The following CCDC50 variants were observed in gnomAD, a reference collection of about 807,000 sequenced individuals.
The protein encoded by CCDC50 is coiled-coil domain-containing protein 50.
Under a neutral mutation model 70.2 loss-of-function variants are expected in CCDC50, and 54 were observed. That is an observed-to-expected ratio of 0.77 (90% CI 0.62 to 0.96). The LOEUF is 0.96. Ranked by LOEUF, CCDC50 falls within the 50% of genes least tolerant of loss-of-function variation. The pLI, the probability that CCDC50 is intolerant of heterozygous loss-of-function variation, is 0.00. For synonymous variants in CCDC50, 216 were observed against 198.8 expected (o/e 1.09, Z -0.73); for missense variants, 558 against 578.7 (o/e 0.96, Z 0.37).
At position 191,397,911 on chromosome 3, in the gene CCDC50, T is replaced by G. The variant is rs1032125203; in HGVS notation, c.*6151T>G. ...GAGGACAGAAAACAAAGAGGCTGCC[T>G]CAGACCACATGCCTATCTAGAGATT... On this transcript the variant is annotated 3_prime_UTR_variant, in exon 12 of 12. Coordinates refer to ENST00000392455, the MANE Select transcript of CCDC50 (RefSeq NM_178335.3). 1 of 152,256 alleles carries G rather than the reference T, an allele frequency of 6.6e-6. No homozygotes were observed. The highest frequency in any genetic ancestry group is 2.4e-5 in the African/African-American group (1 of 41,456). 9.4% of individuals were successfully genotyped at this position (152,256 alleles called of 1,614,324 possible).
intron 6 of CCDC50, among the ~76,000 whole-genome samples, chr3:191,376,909 T>C (rs987100079): frequency 1.3e-5 from 2 of 152,184 alleles, no homozygotes; most frequent in African/African-American, 4.8e-5. Context: ...CCTCTACGTT[T>C]CTGCTTCTGT....
At chr3:191,376,429 C>T (rs1163184724) in intron 6 of CCDC50, among the ~76,000 whole-genome samples, 8 of 152,042 alleles carry the variant, frequency 5.3e-5, no homozygotes, top group Non-Finnish European at 7.4e-5. Flanking sequence ...CCATCATTGA[C>T]GCAGTAATGG....
chr3:191,345,699 G>A (rs944511117), intron 1 of CCDC50, among the ~76,000 whole-genome samples: 26 of 152,002 alleles, frequency 1.7e-4, no homozygotes, highest in African/African-American at 5.3e-4. Flanking sequence ...AGTGGTTTAG[G>A]TTACCGGGGT....
At chr3:191,388,347 G>A (rs890422758) in intron 10 of CCDC50, among the ~76,000 whole-genome samples, 5 of 152,160 alleles carry the variant, frequency 3.3e-5, no homozygotes, top group African/African-American at 1.2e-4. Context: ...TTGAAATCCA[G>A]TTGAGTTTGA....
At chr3:191,369,248 T>A (rs1475865901) in intron 4 of CCDC50, among the ~76,000 whole-genome samples, 2 of 152,176 alleles carry the variant, frequency 1.3e-5, no homozygotes, top group African/African-American at 4.8e-5. Context: ...CCCGTGGAAA[T>A]TTTTTTGAGG....
At chr3:191,329,954 G>GGGA (rs1717905126) in intron 1 of CCDC50, among the ~76,000 whole-genome samples, 7 of 138,234 alleles carry the variant, frequency 5.1e-5, no homozygotes, top group East Asian at 2.3e-4. Context: ...GGGGGGGGGG[G>GGGA]GGCTAGCAGC....
At chr3:191,386,718 A>G (rs567950833) in intron 10 of CCDC50, among the ~76,000 whole-genome samples, 2 of 152,314 alleles carry the variant, frequency 1.3e-5, no homozygotes, top group South Asian at 2.1e-4. Flanking sequence ...CAAGAACTCA[A>G]TCCCATCTAC....
Position 191,391,886 on chromosome 3 carries a change from T to C in CCDC50, c.*126T>C. On this transcript the variant is annotated 3_prime_UTR_variant, in exon 12 of 12. Transcript: ENST00000392455. ...TCCTGGGATTTATCCTCAAGTGCAT[T>C]TCTGACCATAAGTAATTTTAATTCA... 1.2e-6 allele frequency: 1 copy of C among 820,576 alleles called. No individual in the cohort carries two copies. The highest frequency in any genetic ancestry group is 1.6e-5 in the South Asian group (1 of 64,462). 50.8% of individuals were successfully genotyped at this position (820,576 alleles called of 1,614,324 possible). A position where few individuals can be genotyped will look rare whatever the true frequency, so the allele number is the denominator to read the frequency against.
intron 5 of CCDC50, chr3:191,370,342 C>T (rs1712861248): frequency 1.2e-5 from 4 of 341,428 alleles, no homozygotes; most frequent in African/African-American, 6.5e-5. Flanking sequence ...TTAGGTATAT[C>T]GCCTAATGCT....
At chr3:191,386,935 C>T (rs1190678697) in intron 10 of CCDC50, among the ~76,000 whole-genome samples, 3 of 152,174 alleles carry the variant, frequency 2.0e-5, no homozygotes, top group Non-Finnish European at 1.5e-5. Flanking sequence ...GGATTTTATA[C>T]TTTTAATATT....
intron 11 of CCDC50, 108 bp from the exon 12 acceptor site, chr3:191,391,633 T>C (rs1320732767): frequency 2.1e-6 from 2 of 948,218 alleles, no homozygotes; most frequent in South Asian, 1.4e-5. Flanking sequence ...TAAAGTACTA[T>C]TAGAAATGTA....
chr3:191,375,630 A>C lies in CCDC50; in HGVS notation c.976+41A>C, dbSNP rs77846288. On this transcript the variant is annotated intron_variant, in intron 6 of 11. Coordinates refer to ENST00000392455, the MANE Select transcript of CCDC50 (RefSeq NM_178335.3). ...CTCGATGGAAGTCCTGGTATCATGT[A>C]TATAACTACAAACCAATGAATTTAA... 2.1e-3 allele frequency: 3,330 copies of C among 1,593,516 alleles called. 64 individuals are homozygous for C. In the African/African-American group the frequency reaches 0.04, roughly 19 times the overall value.
intron 10 of CCDC50, among the ~76,000 whole-genome samples, chr3:191,383,505 A>AAG (rs1406695046): frequency 6.6e-6 from 1 of 152,144 alleles, no homozygotes; most frequent in African/African-American, 2.4e-5. Flanking sequence ...CAAGACAAAA[A>AAG]AGTAACACTA....
Position 191,391,875 on chromosome 3 carries a change from C to A in CCDC50, c.*115C>A. 1 of 911,400 alleles carries A rather than the reference C, an allele frequency of 1.1e-6. No homozygotes were observed. Among genetic ancestry groups the A allele is most frequent in the East Asian group, 2.6e-5 (1 of 39,086 alleles). 56.5% of individuals were successfully genotyped at this position (911,400 alleles called of 1,614,324 possible). A position where few individuals can be genotyped will look rare whatever the true frequency, so the allele number is the denominator to read the frequency against. On this transcript the variant is annotated 3_prime_UTR_variant, in exon 12 of 12. Coordinates refer to ENST00000392455, the MANE Select transcript of CCDC50 (RefSeq NM_178335.3). ...TGTGTTTGCATTCCTGGGATTTATC[C>A]TCAAGTGCATTTCTGACCATAAGTA... is the stretch of plus-strand genomic sequence containing the variant.
chr3:191,385,416 G>A (rs909927034), intron 10 of CCDC50, among the ~76,000 whole-genome samples: 3 of 152,084 alleles, frequency 2.0e-5, no homozygotes, highest in Admixed American at 2.0e-4. Flanking sequence ...AATTAGTTAT[G>A]TTGAGCATTT....
chr3:191,356,167 T>G (rs1168284112), intron 1 of CCDC50, among the ~76,000 whole-genome samples: 1 of 152,200 alleles, frequency 6.6e-6, no homozygotes, highest in Non-Finnish European at 1.5e-5. Flanking sequence ...AGTGAGAACA[T>G]ATCACCTAAA....
chr3:191,384,602 C>CT (rs1166133274), intron 10 of CCDC50, among the ~76,000 whole-genome samples: 1 of 152,090 alleles, frequency 6.6e-6, no homozygotes, highest in Non-Finnish European at 1.5e-5. Context: ...AATCCAATTT[C>CT]TTTGTCTGTT....
At chr3:191,334,438 A>T (rs1718079057) in intron 1 of CCDC50, among the ~76,000 whole-genome samples, 1 of 152,212 alleles carries the variant, frequency 6.6e-6, no homozygotes, top group South Asian at 2.1e-4. Context: ...GTGGGAAACC[A>T]TAGTTAATTG....
intron 4 of CCDC50, among the ~76,000 whole-genome samples, chr3:191,361,569 T>G (rs770248810): frequency 3.9e-5 from 6 of 152,188 alleles, no homozygotes; most frequent in Non-Finnish European, 7.4e-5. Context: ...TGGCATTCCT[T>G]GGCTTGTATC....
Sources: gnomAD v4.1 joint callset for allele counts (sites outside exome capture counted in the v4.1 genomes callset) on GRCh38, gnomAD v4.1.1 for gene constraint, MANE v1.5 for transcripts, NCBI Gene and HGNC (gene_info 2026-07-23, HGNC 2026-07-21) for gene names.